The following ACTR3B variants were observed in gnomAD, a reference collection of about 807,000 sequenced individuals.
ACTR3B encodes the protein actin related protein 3B, also known as actin-related protein 3B.
Under a neutral mutation model 59.0 loss-of-function variants are expected in ACTR3B, and 8 were observed. The observed-to-expected ratio is 0.14, with a 90% confidence interval of 0.08 to 0.24. The LOEUF is 0.24. ACTR3B is among the 10% of genes least tolerant of loss of function. The probability of loss-of-function intolerance (pLI) is 1.00; values close to 1 mark genes in which losing one functional copy is unlikely to be tolerated. For synonymous variants in ACTR3B, 148 were observed against 197.9 expected (o/e 0.75, Z 2.12); for missense variants, 245 against 552.3 (o/e 0.44, Z 5.58).
chr7:152,852,737 G>T (rs1798915871), intron 10 of ACTR3B, among the ~76,000 whole-genome samples: 1 of 152,160 alleles, frequency 6.6e-6, no homozygotes, highest in Non-Finnish European at 1.5e-5. Context: ...TAGGGGCAGT[G>T]GGCGCAAGGA....
intron 4 of ACTR3B, among the ~76,000 whole-genome samples, chr7:152,810,211 A>G (rs1273764264): frequency 6.6e-6 from 1 of 151,978 alleles, no homozygotes; most frequent in East Asian, 1.9e-4. Context: ...GGTTTAAGCA[A>G]TTCTGCTGCC....
intron 1 of ACTR3B, among the ~76,000 whole-genome samples, chr7:152,767,676 TGTG>T (rs2098114321): frequency 1.3e-5 from 2 of 152,256 alleles, no homozygotes; most frequent in Non-Finnish European, 2.9e-5. Flanking sequence ...TTAGGAATAT[TGTG>T]GTGTTTCTGC....
At chr7:152,836,779 A>G (rs980543107) in intron 9 of ACTR3B, among the ~76,000 whole-genome samples, 1 of 152,218 alleles carries the variant, frequency 6.6e-6, no homozygotes, top group Non-Finnish European at 1.5e-5. Flanking sequence ...TTCTGTAAGT[A>G]AAGGGATTTT....
chr7:152,852,346 C>T (rs1486088106), intron 10 of ACTR3B, 95 bp downstream of exon 10: 19 of 1,437,730 alleles, frequency 1.3e-5, no homozygotes, highest in African/African-American at 7.2e-5. Flanking sequence ...TTGTCTGGGC[C>T]GCGTAAAATA....
intron 10 of ACTR3B, 139 bp from the exon 11 acceptor site, chr7:152,853,355 T>C (rs1377463798): frequency 1.6e-5 from 11 of 694,442 alleles, no homozygotes; most frequent in Non-Finnish European, 2.6e-5. Context: ...GGAGAGTCAC[T>C]GAGTGCTGGG....
intron 9 of ACTR3B, among the ~76,000 whole-genome samples, chr7:152,844,121 C>A (rs1354351906): frequency 6.6e-6 from 1 of 152,010 alleles, no homozygotes; most frequent in Non-Finnish European, 1.5e-5. Context: ...GTAATGGTGC[C>A]ATCTCGGCTC....
At chr7:152,804,524 G>C (rs897082839) in intron 4 of ACTR3B, among the ~76,000 whole-genome samples, 1 of 152,170 alleles carries the variant, frequency 6.6e-6, no homozygotes, top group Non-Finnish European at 1.5e-5. Context: ...CTGGCACACA[G>C]AGTCTTGAAG....
At chr7:152,797,087 G>GT (rs1215060867) in intron 2 of ACTR3B, among the ~76,000 whole-genome samples, 2 of 151,862 alleles carry the variant, frequency 1.3e-5, no homozygotes, top group East Asian at 3.9e-4. Flanking sequence ...ATTAAAAACA[G>GT]TTTTTAAAAA....
chr7:152,773,807 C>A (rs1294173555), intron 1 of ACTR3B, among the ~76,000 whole-genome samples: 1 of 152,198 alleles, frequency 6.6e-6, no homozygotes, highest in Non-Finnish European at 1.5e-5. Flanking sequence ...TTCCAGAAAA[C>A]TTCTGGAGAA....
chr7:152,831,528 G>A (rs750113821), intron 9 of ACTR3B, among the ~76,000 whole-genome samples: 25 of 152,266 alleles, frequency 1.6e-4, no homozygotes, highest in Non-Finnish European at 4.4e-5. Context: ...TGCAGCTGAG[G>A]AACAGCGTTT....
intron 1 of ACTR3B, among the ~76,000 whole-genome samples, chr7:152,772,241 G>A (rs2098125803): frequency 6.6e-6 from 1 of 151,218 alleles, no homozygotes; most frequent in South Asian, 2.1e-4. Context: ...TAGGGGGACT[G>A]GGCACAGTGG....
intron 2 of ACTR3B, among the ~76,000 whole-genome samples, chr7:152,794,383 A>C (rs1417274007): frequency 6.6e-6 from 1 of 151,854 alleles, no homozygotes; most frequent in Non-Finnish European, 1.5e-5. Flanking sequence ...ATGCCCAGCT[A>C]AGTTTTGTAT....
intron 5 of ACTR3B, among the ~76,000 whole-genome samples, chr7:152,815,608 A>G (rs2462097): frequency 3.3e-5 from 5 of 152,244 alleles, no homozygotes; most frequent in African/African-American, 4.8e-5. Flanking sequence ...TGTGCATTGC[A>G]GGGAGCGTAG....
rs1349077525 is a variant in ACTR3B at position 152,854,414 on chromosome 7, C to A, written c.1162-44C>A. On this transcript the variant is annotated intron_variant, in intron 11 of 11. Coordinates refer to ENST00000256001, the MANE Select transcript of ACTR3B (RefSeq NM_020445.6). The surrounding 1 kb of genome is among the most constrained non-coding windows in gnomAD (Gnocchi z 4.9). Reference sequence around the variant, plus strand: ...CTTGGTAGCTGGTTCCCTTGACTTTCTTCTGAAATGAGTGTCTTTCTGTCT... The same window carrying A: ...CTTGGTAGCTGGTTCCCTTGACTTTATTCTGAAATGAGTGTCTTTCTGTCT... The A allele has an allele frequency of 1.3e-6, 2 of 1,578,338 alleles. No homozygotes were observed. Among genetic ancestry groups the A allele is most frequent in the Admixed American group, 3.3e-5 (2 of 59,938 alleles).
intron 9 of ACTR3B, among the ~76,000 whole-genome samples, chr7:152,844,022 T>C (rs970062042): frequency 6.6e-6 from 1 of 152,024 alleles, no homozygotes; most frequent in Non-Finnish European, 1.5e-5. Context: ...GAATAAAGAG[T>C]GTATCACTTT....
At position 152,789,064 on chromosome 7, in the gene ACTR3B, A is replaced by AACAACAACAACAACAAC. The variant is rs374527960; in HGVS notation, c.100+5823_100+5824insCAACAACAACAACAACA. The stretch of plus-strand genomic sequence containing the variant: ...AACAACAACAACAAACAGCAACAAC[A>AACAACAACAACAACAAC]AACAACAACAACAACAACAAAGCCC... On this transcript the variant is annotated intron_variant, in intron 2 of 11. Transcript: ENST00000256001. 4.3e-5 allele frequency among the ~76,000 whole-genome samples: 6 copies of AACAACAACAACAACAAC among 137,938 alleles called. No homozygotes were observed. In the South Asian group the frequency reaches 1.1e-3, roughly 26 times the overall value. 90.5% of individuals were successfully genotyped at this position (137,938 alleles called of 152,430 possible).
At chr7:152,780,645 G>A (rs1484933914) in intron 1 of ACTR3B, among the ~76,000 whole-genome samples, 3 of 151,164 alleles carry the variant, frequency 2.0e-5, no homozygotes, top group Admixed American at 6.6e-5. Context: ...ATGATTTCAG[G>A]GTACAAAACT....
At chr7:152,766,181 G>T (rs1247607006) in intron 1 of ACTR3B, among the ~76,000 whole-genome samples, 1 of 152,202 alleles carries the variant, frequency 6.6e-6, no homozygotes, top group African/African-American at 2.4e-5. Context: ...CAAGGGAAAA[G>T]ATGTGGGGTG....
Position 152,771,861 on chromosome 7 carries a change from G to A in ACTR3B, c.45-11326G>A, listed in dbSNP as rs1352572948. 3.3e-5 allele frequency among the ~76,000 whole-genome samples: 5 copies of A among 151,964 alleles called. No homozygotes were observed. The East Asian group carries it at 9.8e-4, about 30-fold the overall frequency. On this transcript the variant is annotated intron_variant, in intron 1 of 11. Coordinates refer to ENST00000256001, the MANE Select transcript of ACTR3B (RefSeq NM_020445.6). ...GAAGCCGAGGTGGGCAGATCACCTG[G>A]GGTCAGACCAGCTGACCAACATGGA...
Sources: gnomAD v4.1 joint callset for allele counts (sites outside exome capture counted in the v4.1 genomes callset) on GRCh38, gnomAD v4.1.1 for gene constraint, Gnocchi (gnomAD v3.1) non-coding constraint, MANE v1.5 for transcripts, NCBI Gene and HGNC (gene_info 2026-07-23, HGNC 2026-07-21) for gene names.